CDH13: variants seen among roughly 807,000 people sequenced by gnomAD.
CDH13 encodes the protein cadherin-13.
CDH13 carries 24 observed loss-of-function variants against 63.8 expected under a neutral mutation model. The ratio of observed to expected loss-of-function variants is 0.38; its 90% confidence interval spans 0.27 to 0.53. CDH13 has a LOEUF of 0.53. Among genes scored for constraint, CDH13 ranks in the 20% least tolerant of loss-of-function variants. The pLI, the probability that CDH13 is intolerant of heterozygous loss-of-function variation, is 0.85. For missense variants in CDH13, 1,049 were observed against 903.1 expected, an observed-to-expected ratio of 1.16 and a Z score of -2.07; for synonymous variants, 503 against 355.3, an observed-to-expected ratio of 1.42 and a Z score of -4.67.
At chr16:83,029,699 T>C (rs7206381) in intron 2 of CDH13, among the ~76,000 whole-genome samples, 112,093 of 152,076 alleles carry the variant, frequency 0.74, 42,124 homozygotes, top group African/African-American at 0.88. Context: ...GCTAGAATAA[T>C]GTAGCCTCTG....
intron 4 of CDH13, among the ~76,000 whole-genome samples, chr16:83,170,231 T>G (rs2049809327): frequency 6.6e-6 from 1 of 152,130 alleles, no homozygotes; most frequent in Non-Finnish European, 1.5e-5. Context: ...GTTTCAGAAC[T>G]GCCTTAATTA....
chr16:83,334,185 C>T (rs1024974401), intron 5 of CDH13, among the ~76,000 whole-genome samples: 7 of 152,170 alleles, frequency 4.6e-5, no homozygotes, highest in South Asian at 2.1e-4. Flanking sequence ...TCCCTCTTAA[C>T]GACTCATGAT....
At chr16:82,983,108 A>G (rs1222192337) in intron 2 of CDH13, among the ~76,000 whole-genome samples, 1 of 152,168 alleles carries the variant, frequency 6.6e-6, no homozygotes, top group Non-Finnish European at 1.5e-5. Flanking sequence ...GACTTCAGCA[A>G]GGGAGGGATA....
chr16:82,956,683 G>A (rs1326859808), intron 2 of CDH13, among the ~76,000 whole-genome samples: 2 of 152,178 alleles, frequency 1.3e-5, no homozygotes, highest in Non-Finnish European at 2.9e-5. Context: ...CTTAGCAGAT[G>A]CTTGTGTTGA....
At chr16:83,673,211 A>G (rs1215636348) in intron 9 of CDH13, among the ~76,000 whole-genome samples, 2 of 152,216 alleles carry the variant, frequency 1.3e-5, no homozygotes, top group Admixed American at 6.5e-5. Flanking sequence ...AACCTAATCC[A>G]TACGAATACT....
At chr16:83,163,998 A>G (rs1414671809) in intron 4 of CDH13, among the ~76,000 whole-genome samples, 3 of 152,062 alleles carry the variant, frequency 2.0e-5, no homozygotes, top group Admixed American at 1.3e-4. Context: ...TTTTGCAAAC[A>G]TTATCTAATT....
At chr16:83,070,267 A>G (rs2032333189) in intron 3 of CDH13, among the ~76,000 whole-genome samples, 1 of 152,324 alleles carries the variant, frequency 6.6e-6, no homozygotes, top group African/African-American at 2.4e-5. Context: ...AATATTTGAT[A>G]CAAGCCACTA....
At chr16:83,436,139 G>A (rs1228458926) in intron 6 of CDH13, among the ~76,000 whole-genome samples, 2 of 152,192 alleles carry the variant, frequency 1.3e-5, no homozygotes, top group Non-Finnish European at 2.9e-5. Context: ...GTCACCAGTG[G>A]CAAGGTGGAG....
intron 4 of CDH13, among the ~76,000 whole-genome samples, chr16:83,169,060 C>A (rs1165593184): frequency 2.0e-5 from 3 of 152,088 alleles, no homozygotes; most frequent in Non-Finnish European, 2.9e-5. Context: ...AACTAAATTC[C>A]TTTGACAATT....
chr16:82,864,997 A>G (rs1424410921), intron 2 of CDH13, among the ~76,000 whole-genome samples: 1 of 152,218 alleles, frequency 6.6e-6, no homozygotes, highest in Non-Finnish European at 1.5e-5. Context: ...CGCAAGTCCA[A>G]AATCCAGCAG....
rs531752988 is a variant in CDH13 at position 82,822,178 on chromosome 16, A to T, written c.46-36184A>T. On this transcript the variant is annotated intron_variant, in intron 1 of 13. Coordinates refer to ENST00000567109, the MANE Select transcript of CDH13 (RefSeq NM_001257.5). ...CCGGGGACACAAGGCTATGTAATAC[A>T]GCAATATATGCAATATAAAAAAATA... Among the ~76,000 whole-genome samples, 5 of 152,352 alleles carry T rather than the reference A, an allele frequency of 3.3e-5. No individual in the cohort carries two copies. The South Asian group carries it at 1.0e-3, about 32-fold the overall frequency.
At chr16:83,649,041 G>T (rs536512102) in intron 8 of CDH13, among the ~76,000 whole-genome samples, 13 of 152,346 alleles carry the variant, frequency 8.5e-5, no homozygotes, top group African/African-American at 3.1e-4. Context: ...CAAGCTGAAA[G>T]AATTCACCTT....
rs1426979238 is a variant in CDH13 at position 82,676,906 on chromosome 16, A to T, written c.45+49769A>T. 6.6e-5 allele frequency among the ~76,000 whole-genome samples: 6 copies of T among 90,386 alleles called. No individual in the cohort carries two copies. In the South Asian group the frequency reaches 2.2e-3, roughly 33 times the overall value. 59.3% of individuals were successfully genotyped at this position (90,386 alleles called of 152,430 possible). A position where few individuals can be genotyped will look rare whatever the true frequency, so the allele number is the denominator to read the frequency against. ...GTTTTGTTTTGTTTTGTTTTTTTCA[A>T]CGGAGTCTCACTCTGTCACCAGGCT... On this transcript the variant is annotated intron_variant, in intron 1 of 13. Coordinates refer to ENST00000567109, the MANE Select transcript of CDH13 (RefSeq NM_001257.5).
Position 83,783,488 on chromosome 16 carries a change from T to C in CDH13, c.2134+16T>C. On this transcript the variant is annotated intron_variant, in intron 13 of 13. Transcript: ENST00000567109. ...AGCTTAGCTTGTAAGTTGACCTAAC[T>C]CCAGTGCATGCACAAACAGGAAATT... The C allele has an allele frequency of 1.9e-6, 3 of 1,597,006 alleles. No individual in the cohort carries two copies. Among genetic ancestry groups the C allele is most frequent in the Non-Finnish European group, 1.7e-6 (2 of 1,164,870 alleles).
intron 1 of CDH13, among the ~76,000 whole-genome samples, chr16:82,856,747 A>G (rs1274782440): frequency 6.6e-6 from 1 of 151,466 alleles, no homozygotes; most frequent in Non-Finnish European, 1.5e-5. Context: ...CAAAAAAAAT[A>G]GAAAAAATAC....
At chr16:83,144,279 C>T (rs2036655540) in intron 4 of CDH13, among the ~76,000 whole-genome samples, 2 of 152,186 alleles carry the variant, frequency 1.3e-5, no homozygotes, top group South Asian at 4.1e-4. Flanking sequence ...CTGCGGTTGA[C>T]ACTCTTCCAA....
At chr16:83,083,792 T>A (rs1382093504) in intron 3 of CDH13, among the ~76,000 whole-genome samples, 1 of 152,210 alleles carries the variant, frequency 6.6e-6, no homozygotes, top group Non-Finnish European at 1.5e-5. Flanking sequence ...ACATACCTAA[T>A]ATTAACCATC....
intron 1 of CDH13, among the ~76,000 whole-genome samples, chr16:82,641,637 C>T (rs1338117098): frequency 1.3e-5 from 2 of 152,164 alleles, no homozygotes; most frequent in Non-Finnish European, 2.9e-5. Flanking sequence ...TCAAAGGAAT[C>T]AACTATGGAT....
chr16:82,905,256 C>T (rs1033337759), intron 2 of CDH13, among the ~76,000 whole-genome samples: 2 of 152,110 alleles, frequency 1.3e-5, no homozygotes, highest in African/African-American at 4.8e-5. Context: ...GGAGATAATA[C>T]TGAGGTTAAG....
Sources: allele counts gnomAD v4.1 joint callset (sites outside exome capture counted in the v4.1 genomes callset), GRCh38; gene constraint gnomAD v4.1.1; transcripts MANE v1.5; gene names NCBI Gene and HGNC (gene_info 2026-07-23, HGNC 2026-07-21).